Variants in ANKS1B observed in about 807,000 individuals in gnomAD.
The protein encoded by ANKS1B is ankyrin repeat and sterile alpha motif domain containing 1B.
Under a neutral mutation model 148.3 loss-of-function variants are expected in ANKS1B, and 36 were observed. The ratio of observed to expected loss-of-function variants is 0.24; its 90% CI spans 0.19 to 0.32. The LOEUF is 0.32. Ranked by LOEUF, ANKS1B falls within the 10% of genes least tolerant of loss-of-function variation. The probability of loss-of-function intolerance (pLI) is 1.00; values close to 1 mark genes in which losing one functional copy is unlikely to be tolerated. For missense variants in ANKS1B, 1,157 were observed against 1,542.6 expected, an observed-to-expected ratio of 0.75 and a Z score of 4.19; for synonymous variants, 542 against 560.8, an observed-to-expected ratio of 0.97 and a Z score of 0.47.
intron 17 of ANKS1B, among the ~76,000 whole-genome samples, chr12:98,948,947 C>CTTTTTATTTTTTTTTTT (rs2099849758): frequency 1.2e-5 from 1 of 84,866 alleles, no homozygotes; most frequent in Non-Finnish European, 2.0e-5. Flanking sequence ...GCATGAGCTA[C>CTTTTTATTTTTTTTTTT]TTTTTTTTTT....
chr12:99,583,442 C>CTTA (rs1240248312), intron 9 of ANKS1B, among the ~76,000 whole-genome samples: 6 of 152,120 alleles, frequency 3.9e-5, no homozygotes, highest in African/African-American at 1.4e-4. Context: ...AATGCAGTGG[C>CTTA]TATAAATTAA....
rs567315131 is a variant in ANKS1B, at chr12:99,505,726, G to T, written c.1273-1085C>A. On this transcript the variant is annotated intron_variant, in intron 9 of 26. Transcript: ENST00000683438. ...CTTGCTCTGAAGAAGTTCACAGTCTGCTGGAGAAGACTGTGAAATTCTGCA... is the reference window on the plus strand; with the variant it reads ...CTTGCTCTGAAGAAGTTCACAGTCTTCTGGAGAAGACTGTGAAATTCTGCA... Among the ~76,000 whole-genome samples, 4 of 151,084 alleles carry T rather than the reference G, an allele frequency of 2.6e-5. No individual in the cohort carries two copies. In the East Asian group the frequency reaches 5.8e-4, roughly 22 times the overall value.
At chr12:99,872,086 AG>A (rs2091587622) in intron 1 of ANKS1B, among the ~76,000 whole-genome samples, 1 of 152,186 alleles carries the variant, frequency 6.6e-6, no homozygotes, top group Non-Finnish European at 1.5e-5. Flanking sequence ...CATATGTACT[AG>A]GATGGCTAAA....
intron 8 of ANKS1B, among the ~76,000 whole-genome samples, chr12:99,659,568 C>G (rs937598546): frequency 6.6e-6 from 1 of 152,134 alleles, no homozygotes; most frequent in South Asian, 2.1e-4. Flanking sequence ...AAGAAAAACA[C>G]TTTTGAGAAT....
chr12:98,904,575 T>C (rs1465141139), intron 17 of ANKS1B, among the ~76,000 whole-genome samples: 5 of 152,220 alleles, frequency 3.3e-5, no homozygotes, highest in Admixed American at 6.5e-5. Context: ...AATAACACTT[T>C]TATGTTCAGC....
At chr12:99,196,534 TC>T (rs913283165) in intron 14 of ANKS1B, among the ~76,000 whole-genome samples, 1 of 152,128 alleles carries the variant, frequency 6.6e-6, no homozygotes, top group Admixed American at 6.6e-5. Context: ...TTTTGCCTCT[TC>T]AAAGACTTAT....
At chr12:99,293,254 G>A (rs1328796386) in intron 12 of ANKS1B, among the ~76,000 whole-genome samples, 9 of 148,572 alleles carry the variant, frequency 6.1e-5, no homozygotes, top group African/African-American at 2.0e-4. Flanking sequence ...CACAAGGACA[G>A]AAAACCAAAC....
intron 9 of ANKS1B, among the ~76,000 whole-genome samples, chr12:99,591,490 T>C (rs779526744): frequency 6.6e-6 from 1 of 152,098 alleles, no homozygotes; most frequent in African/African-American, 2.4e-5. Flanking sequence ...AAGCTTACTT[T>C]TATACTGCAA....
intron 8 of ANKS1B, among the ~76,000 whole-genome samples, chr12:99,751,712 T>C (rs1317487765): frequency 4.6e-5 from 7 of 152,078 alleles, no homozygotes; most frequent in African/African-American, 1.7e-4. Flanking sequence ...CTCAAGGGGT[T>C]CACAGTCTAA....
intron 12 of ANKS1B, among the ~76,000 whole-genome samples, chr12:99,389,869 T>TA (rs1172224020): frequency 6.6e-6 from 1 of 152,160 alleles, no homozygotes; most frequent in Non-Finnish European, 1.5e-5. Context: ...TTGGAAGGAT[T>TA]AGCGCTTGTA....
chr12:99,106,364 A>G (rs1393743045), intron 15 of ANKS1B, among the ~76,000 whole-genome samples: 1 of 152,240 alleles, frequency 6.6e-6, no homozygotes, highest in Non-Finnish European at 1.5e-5. Flanking sequence ...TCTTGTTAAA[A>G]TCCAGGGTTA....
At chr12:99,931,664 T>G (rs930529713) in intron 1 of ANKS1B, among the ~76,000 whole-genome samples, 21 of 152,176 alleles carry the variant, frequency 1.4e-4, no homozygotes, top group Non-Finnish European at 5.9e-5. Context: ...GGGTACATAG[T>G]GTATGTATTT....
At chr12:99,280,840 A>ATCTCTC (rs142595888) in intron 12 of ANKS1B, among the ~76,000 whole-genome samples, 6 of 144,532 alleles carry the variant, frequency 4.2e-5, no homozygotes, top group South Asian at 4.4e-4. Flanking sequence ...CTTATAATAA[A>ATCTCTC]TCTCTCTCTC....
intron 17 of ANKS1B, among the ~76,000 whole-genome samples, chr12:99,037,408 C>T (rs966160170): frequency 8.6e-5 from 13 of 151,608 alleles, no homozygotes; most frequent in East Asian, 1.9e-4. Flanking sequence ...CCTAGCTACT[C>T]GGGAGGCTGA....
chr12:98,758,232 CAT>C (rs2098309482), intron 25 of ANKS1B, among the ~76,000 whole-genome samples: 1 of 152,118 alleles, frequency 6.6e-6, no homozygotes, highest in African/African-American at 2.4e-5. Flanking sequence ...CCATTTTGCA[CAT>C]GAGATAATTA....
At chr12:99,523,977 T>C (rs149074054) in intron 9 of ANKS1B, among the ~76,000 whole-genome samples, 3 of 152,350 alleles carry the variant, frequency 2.0e-5, no homozygotes, top group African/African-American at 7.2e-5. Context: ...TACCTGAATA[T>C]ATTCACTGCT....
intron 11 of ANKS1B, among the ~76,000 whole-genome samples, chr12:99,421,301 G>C (rs1440172250): frequency 6.6e-6 from 1 of 152,156 alleles, no homozygotes; most frequent in Non-Finnish European, 1.5e-5. Flanking sequence ...GAAGGTTGAA[G>C]GAAAAGAGGA....
In ANKS1B at chr12:99,606,427, T is replaced by C. The variant is rs1221406226; in HGVS notation, c.1272+48640A>G. Among the ~76,000 whole-genome samples, 5 of 151,868 alleles carry C rather than the reference T, an allele frequency of 3.3e-5. 1 individual carries two copies. The highest frequency in any genetic ancestry group is 6.6e-5 in the Admixed American group (1 of 15,258). On this transcript the variant is annotated intron_variant, in intron 9 of 26. Transcript: ENST00000683438. Reference sequence around the variant, plus strand: ...TAATTTATAACTTTTAGTAACTTAATTTCTAGTTAAAAGTAGCAAACTTTG... The same window carrying C: ...TAATTTATAACTTTTAGTAACTTAACTTCTAGTTAAAAGTAGCAAACTTTG...
chr12:98,757,053 G>GA (rs202183472), intron 25 of ANKS1B, among the ~76,000 whole-genome samples: 92 of 145,750 alleles, frequency 6.3e-4, no homozygotes, highest in African/African-American at 1.3e-3. Context: ...AAAAAAAAAG[G>GA]AAAAAAAAAA....
Sources: gnomAD v4.1 joint callset for allele counts (sites outside exome capture counted in the v4.1 genomes callset) on GRCh38, gnomAD v4.1.1 for gene constraint, MANE v1.5 for transcripts, NCBI Gene and HGNC (gene_info 2026-07-23, HGNC 2026-07-21) for gene names.